SGK1: variants seen among roughly 807,000 people sequenced by gnomAD.
SGK1 encodes the protein serine/threonine-protein kinase Sgk1.
Under a neutral mutation model 64.2 loss-of-function variants are expected in SGK1, and 26 were observed. The observed-to-expected ratio is 0.40, with a 90% CI of 0.30 to 0.56. The LOEUF is 0.56. SGK1 is among the 20% of genes least tolerant of loss of function. The probability of loss-of-function intolerance (pLI) is 0.38; values close to 1 mark genes in which losing one functional copy is unlikely to be tolerated. For missense variants in SGK1, 519 were observed against 645.6 expected (o/e 0.80, Z 2.12); for synonymous variants, 265 against 239.7 (o/e 1.11, Z -0.98).
At chr6:134,172,405 G>C (rs902291914) in intron 9 of SGK1, 89 bp from the exon 10 acceptor site, 3 of 1,311,064 alleles carry the variant, frequency 2.3e-6, no homozygotes, top group Non-Finnish European at 3.2e-6. Context: ...AGGTATTAGA[G>C]GCATTTTAGG....
intron 1 of SGK1, among the ~76,000 whole-genome samples, chr6:134,305,310 A>G: frequency 6.7e-6 from 1 of 149,924 alleles, no homozygotes; most frequent in Non-Finnish European, 1.5e-5. Context: ...AGTGAACCAA[A>G]ATCGCGCCCA....
At chr6:134,172,141 T>C in intron 10 of SGK1, 52 bp downstream of exon 10, 6 of 1,601,268 alleles carry the variant, frequency 3.7e-6, no homozygotes, top group Non-Finnish European at 4.3e-6. Context: ...ATTGTACATC[T>C]CTCTCTTGGA....
intron 2 of SGK1, among the ~76,000 whole-genome samples, chr6:134,225,670 G>A (rs1776163971): frequency 6.6e-6 from 1 of 152,124 alleles, no homozygotes; most frequent in African/African-American, 2.4e-5. Context: ...AGGACTGAGT[G>A]CTCTCAGTAG....
At chr6:134,181,399 C>A (rs1440426243) in intron 3 of SGK1, among the ~76,000 whole-genome samples, 1 of 152,016 alleles carries the variant, frequency 6.6e-6, no homozygotes, top group Non-Finnish European at 1.5e-5. Flanking sequence ...GACTGGAGTG[C>A]AGTGGCGTGA....
At position 134,247,769 on chromosome 6, in the gene SGK1, C is replaced by T. The variant is rs1451149172; in HGVS notation, c.285+14164G>A. On this transcript the variant is annotated intron_variant, in intron 2 of 13. Transcript: ENST00000367858. Reference sequence around the variant, plus strand: ...AAGCCAGAGCCAACTCTATGTCATACAATTTATGCCATTCACTAAAATTAT... The same window carrying T: ...AAGCCAGAGCCAACTCTATGTCATATAATTTATGCCATTCACTAAAATTAT... Among the ~76,000 whole-genome samples, 3 of 152,158 alleles carry T rather than the reference C, an allele frequency of 2.0e-5. No homozygotes were observed. The East Asian group carries it at 5.8e-4, about 29-fold the overall frequency.
At chr6:134,250,615 G>A (rs962520314) in intron 2 of SGK1, among the ~76,000 whole-genome samples, 12 of 152,170 alleles carry the variant, frequency 7.9e-5, no homozygotes, top group African/African-American at 2.9e-4. Flanking sequence ...TTTACTATAT[G>A]TGAATAAGAA....
chr6:134,262,023 A>G lies in SGK1; in HGVS notation c.195T>C (p.Cys65=). Residue 65 remains cysteine (C), a synonymous_variant, in exon 2 of 14, where the codon TGT becomes TGC. Coordinates refer to ENST00000367858, the MANE Select transcript of SGK1 (RefSeq NM_001143676.3). Reference sequence around the variant, plus strand: ...AAGCATGTTCACCCAGGCATGTTTGACACAAGGAAGACTCGAAGTCTGGCT... The same window carrying G: ...AAGCATGTTCACCCAGGCATGTTTGGCACAAGGAAGACTCGAAGTCTGGCT... ...PGEPDFESSL[C]QTCLGEHAFQ... is the part of the protein sequence containing the mutation. The G allele has an allele frequency of 6.2e-7, 1 of 1,613,940 alleles. No homozygotes were observed. Among genetic ancestry groups the G allele is most frequent in the Admixed American group, 1.7e-5 (1 of 60,010 alleles).
chr6:134,175,891 GGAAA>G (rs764529065), intron 3 of SGK1: 13 of 1,209,078 alleles, frequency 1.1e-5, no homozygotes, highest in Non-Finnish European at 1.3e-5. Flanking sequence ...GAGGAAGGAA[GGAAA>G]GAAAGAGGGA....
chr6:134,306,204 C>T (rs754101082), intron 1 of SGK1, among the ~76,000 whole-genome samples: 18 of 152,106 alleles, frequency 1.2e-4, no homozygotes, highest in Non-Finnish European at 2.2e-4. Context: ...GGGTGGATCA[C>T]CTGAGGTCAA....
intron 1 of SGK1, among the ~76,000 whole-genome samples, chr6:134,265,737 T>C (rs908196207): frequency 2.0e-5 from 3 of 149,324 alleles, no homozygotes; most frequent in Non-Finnish European, 4.4e-5. Flanking sequence ...TTTATCTGTT[T>C]TTACAACTCT....
intron 3 of SGK1, among the ~76,000 whole-genome samples, chr6:134,194,029 T>G (rs1051974314): frequency 6.6e-6 from 1 of 151,818 alleles, no homozygotes; most frequent in Admixed American, 6.6e-5. Context: ...TCACTCAGAC[T>G]GGGACAACGT....
intron 10 of SGK1, 82 bp from the exon 11 acceptor site, chr6:134,171,814 TGA>T: frequency 1.0e-5 from 9 of 904,078 alleles, no homozygotes; most frequent in East Asian, 2.6e-5. Flanking sequence ...TTGAAAAAGC[TGA>T]GAGACCCAGA....
At chr6:134,301,338 G>A (rs1459246627) in intron 1 of SGK1, among the ~76,000 whole-genome samples, 1 of 152,118 alleles carries the variant, frequency 6.6e-6, no homozygotes, top group Non-Finnish European at 1.5e-5. Flanking sequence ...AGAGGCTGGT[G>A]AGCCAAGGAC....
At chr6:134,229,574 A>C (rs1048464577) in intron 2 of SGK1, among the ~76,000 whole-genome samples, 5 of 152,252 alleles carry the variant, frequency 3.3e-5, no homozygotes, top group African/African-American at 1.2e-4. Flanking sequence ...ATCCATTTTT[A>C]TACAAAATCA....
chr6:134,253,379 C>T (rs1374083609), intron 2 of SGK1, among the ~76,000 whole-genome samples: 4 of 151,646 alleles, frequency 2.6e-5, no homozygotes, highest in East Asian at 1.9e-4. Flanking sequence ...GCTATCGTCT[C>T]GCCTCTTGCC....
At chr6:134,290,439 AAC>A (rs869118462) in intron 1 of SGK1, among the ~76,000 whole-genome samples, 18 of 150,522 alleles carry the variant, frequency 1.2e-4, no homozygotes, top group Non-Finnish European at 1.5e-4. Flanking sequence ...AAAAAAAAAA[AAC>A]AAAGACAAAT....
intron 1 of SGK1, among the ~76,000 whole-genome samples, chr6:134,305,363 CAA>C (rs34637536): frequency 0.22 from 14,341 of 65,024 alleles, 659 homozygotes; most frequent in East Asian, 0.46. Flanking sequence ...TACTTCATCT[CAA>C]AAAAAAAAAA....
chr6:134,226,107 G>A (rs148087240), intron 2 of SGK1, among the ~76,000 whole-genome samples: 11,800 of 151,400 alleles, frequency 0.078, 523 homozygotes, highest in African/African-American at 0.087. Flanking sequence ...GTGACAGAGC[G>A]AGACCCTGTC....
At chr6:134,195,615 C>G (rs994771485) in intron 3 of SGK1, among the ~76,000 whole-genome samples, 1 of 152,182 alleles carries the variant, frequency 6.6e-6, no homozygotes, top group South Asian at 2.1e-4. Context: ...CATCCTTGAA[C>G]TTGGAACCAT....
Sources: gnomAD v4.1 joint callset for allele counts (sites outside exome capture counted in the v4.1 genomes callset) on GRCh38, gnomAD v4.1.1 for gene constraint, MANE v1.5 for transcripts, NCBI Gene and HGNC (gene_info 2026-07-23, HGNC 2026-07-21) for gene names.